Variants in SLC35F1 observed in about 807,000 individuals in gnomAD.
The protein encoded by SLC35F1 is chromosome 6 open reading frame 169.
A neutral mutation model predicts 48.7 loss-of-function variants in SLC35F1; 14 were observed. The ratio of observed to expected loss-of-function variants is 0.29; its 90% CI spans 0.19 to 0.45. The LOEUF (loss-of-function observed/expected upper bound fraction) is 0.45. Among genes scored for constraint, SLC35F1 ranks in the 20% least tolerant of loss-of-function variants. The probability of loss-of-function intolerance (pLI) is 1.00; values close to 1 mark genes in which losing one functional copy is unlikely to be tolerated. For synonymous variants in SLC35F1, 190 were observed against 202.2 expected, an observed-to-expected ratio of 0.94 and a Z score of 0.51; for missense variants, 404 against 500.0, an observed-to-expected ratio of 0.81 and a Z score of 1.83.
intron 1 of SLC35F1, among the ~76,000 whole-genome samples, chr6:118,023,231 G>A (rs1777420973): frequency 6.6e-6 from 1 of 152,108 alleles, no homozygotes; most frequent in Non-Finnish European, 1.5e-5. Flanking sequence ...GTCAGTGAAG[G>A]AGACCAGCTG....
intron 1 of SLC35F1, among the ~76,000 whole-genome samples, chr6:118,118,675 C>T (rs1773506125): frequency 6.6e-6 from 1 of 151,944 alleles, no homozygotes; most frequent in Admixed American, 6.6e-5. Context: ...TTAAAAGAAT[C>T]CAGGAGTTGC....
intron 7 of SLC35F1, among the ~76,000 whole-genome samples, chr6:118,286,775 C>CTGTGTGTGTGTGTGTG (rs372641234): frequency 7.0e-6 from 1 of 143,578 alleles, no homozygotes; most frequent in African/African-American, 2.6e-5. Context: ...TACCTTTTTT[C>CTGTGTGTGTGTGTGTG]TGTGTGTGTG....
chr6:118,156,546 G>T (rs990554896), intron 2 of SLC35F1, among the ~76,000 whole-genome samples: 4 of 151,992 alleles, frequency 2.6e-5, no homozygotes, highest in East Asian at 1.9e-4. Flanking sequence ...CTGGGGGAGG[G>T]ATAGCATTAG....
At chr6:117,949,083 A>G (rs1418909416) in intron 1 of SLC35F1, among the ~76,000 whole-genome samples, 1 of 152,178 alleles carries the variant, frequency 6.6e-6, no homozygotes, top group Non-Finnish European at 1.5e-5. Flanking sequence ...GAATTCTGAA[A>G]CAACCCTCTG....
intron 1 of SLC35F1, among the ~76,000 whole-genome samples, chr6:118,064,570 G>A (rs929991104): frequency 1.3e-5 from 2 of 152,098 alleles, no homozygotes; most frequent in South Asian, 4.1e-4. Context: ...AAACCAGCTG[G>A]ACTTTGGTGG....
chr6:117,999,166 C>T, intron 1 of SLC35F1: 1 of 1,594,104 alleles, frequency 6.3e-7, no homozygotes, highest in Non-Finnish European at 8.5e-7. Flanking sequence ...ATGCCAAGGC[C>T]ATGAGTGCAC....
intron 1 of SLC35F1, among the ~76,000 whole-genome samples, chr6:117,918,682 A>C (rs937380073): frequency 1.3e-5 from 2 of 152,160 alleles, no homozygotes; most frequent in African/African-American, 4.8e-5. Context: ...GATTCAGTAG[A>C]GGGCGTGATG....
At chr6:117,992,965 C>T (rs1053455872) in intron 1 of SLC35F1, among the ~76,000 whole-genome samples, 4 of 152,188 alleles carry the variant, frequency 2.6e-5, no homozygotes, top group African/African-American at 9.6e-5. Flanking sequence ...TCCATAAAAG[C>T]TTGTGGAAGT....
At chr6:117,932,986 A>G (rs1323075029) in intron 1 of SLC35F1, among the ~76,000 whole-genome samples, 1 of 152,214 alleles carries the variant, frequency 6.6e-6, no homozygotes, top group Non-Finnish European at 1.5e-5. Flanking sequence ...GATTTTACTA[A>G]AACTGTAAGG....
At chr6:118,007,770 G>T (rs1196315373) in intron 1 of SLC35F1, among the ~76,000 whole-genome samples, 1 of 152,150 alleles carries the variant, frequency 6.6e-6, no homozygotes, top group African/African-American at 2.4e-5. Context: ...CTCAGGTTGG[G>T]CTGCAGTTCT....
At chr6:117,981,152 G>A (rs1776772750) in intron 1 of SLC35F1, among the ~76,000 whole-genome samples, 1 of 152,176 alleles carries the variant, frequency 6.6e-6, no homozygotes, top group South Asian at 2.1e-4. Flanking sequence ...GGAGACTGAG[G>A]TTGCACAGGT....
chr6:118,286,505 A>T (rs746890721), intron 7 of SLC35F1, among the ~76,000 whole-genome samples: 10 of 152,218 alleles, frequency 6.6e-5, no homozygotes, highest in Admixed American at 1.3e-4. Flanking sequence ...CACGGGTGAA[A>T]AAGAAGTTAC....
chr6:117,996,085 T>A (rs1426347233), intron 1 of SLC35F1, among the ~76,000 whole-genome samples: 1 of 152,240 alleles, frequency 6.6e-6, no homozygotes, highest in Non-Finnish European at 1.5e-5. Context: ...TTTCTTCATA[T>A]TTTTTGTATA....
At chr6:118,100,244 G>C (rs1242092904) in intron 1 of SLC35F1, among the ~76,000 whole-genome samples, 1 of 151,980 alleles carries the variant, frequency 6.6e-6, no homozygotes, top group East Asian at 1.9e-4. Context: ...CCCTTTATCA[G>C]GCATTCTTCA....
At chr6:118,166,478 C>A (rs1352107520) in intron 2 of SLC35F1, among the ~76,000 whole-genome samples, 1 of 152,142 alleles carries the variant, frequency 6.6e-6, no homozygotes, top group African/African-American at 2.4e-5. Flanking sequence ...GTGTTAAACT[C>A]GGGATGATTA....
intron 1 of SLC35F1, among the ~76,000 whole-genome samples, chr6:118,087,601 G>A (rs1257117617): frequency 6.6e-6 from 1 of 152,058 alleles, no homozygotes; most frequent in East Asian, 1.9e-4. Flanking sequence ...TCAGCCCAAT[G>A]TTCCAAGACA....
chr6:118,003,603 A>C (rs1252743707), intron 1 of SLC35F1, among the ~76,000 whole-genome samples: 1 of 152,212 alleles, frequency 6.6e-6, no homozygotes, highest in Non-Finnish European at 1.5e-5. Flanking sequence ...GAAAGTTTAA[A>C]TTATAATTCA....
intron 7 of SLC35F1, among the ~76,000 whole-genome samples, chr6:118,295,500 C>A (rs996087821): frequency 1.3e-5 from 2 of 152,160 alleles, no homozygotes; most frequent in Admixed American, 6.5e-5. Context: ...AGAGTGGAAT[C>A]TTTCATTAGA....
intron 1 of SLC35F1, among the ~76,000 whole-genome samples, chr6:118,082,166 G>A (rs953427948): frequency 6.6e-6 from 1 of 152,176 alleles, no homozygotes; most frequent in Non-Finnish European, 1.5e-5. Context: ...ATGGCTCATT[G>A]AGATTAGGGT....
Sources: gnomAD v4.1 joint callset for allele counts (sites outside exome capture counted in the v4.1 genomes callset) on GRCh38, gnomAD v4.1.1 for gene constraint, MANE v1.5 for transcripts, NCBI Gene and HGNC (gene_info 2026-07-23, HGNC 2026-07-21) for gene names.